The following RORA variants were observed in gnomAD, a reference collection of about 807,000 sequenced individuals.
The protein encoded by RORA is RAR related orphan receptor A.
Under a neutral mutation model 69.5 loss-of-function variants are expected in RORA, and 7 were observed. That is an observed-to-expected ratio of 0.10 (90% CI 0.06 to 0.19). The LOEUF (loss-of-function observed/expected upper bound fraction) is 0.19, where lower values mean the gene tolerates loss of function less well. Ranked by LOEUF, RORA falls within the 10% of genes least tolerant of loss-of-function variation. The pLI is 1.00. For missense variants in RORA, 457 were observed against 663.0 expected (o/e 0.69, Z 3.41); for synonymous variants, 261 against 240.8 (o/e 1.08, Z -0.78).
intron 1 of RORA, among the ~76,000 whole-genome samples, chr15:61,087,466 G>A (rs1026424883): frequency 2.0e-5 from 3 of 152,156 alleles, no homozygotes; most frequent in African/African-American, 7.2e-5. Flanking sequence ...AAACTTTTGA[G>A]AGCCTATTCT....
chr15:61,180,257 A>G (rs917025407), intron 1 of RORA, among the ~76,000 whole-genome samples: 6 of 152,158 alleles, frequency 3.9e-5, no homozygotes, highest in Non-Finnish European at 5.9e-5. Flanking sequence ...GGTAGGTAGC[A>G]GTACAAATAC....
chr15:60,684,677 T>C (rs2070712507), intron 1 of RORA, among the ~76,000 whole-genome samples: 1 of 152,164 alleles, frequency 6.6e-6, no homozygotes, highest in Non-Finnish European at 1.5e-5. Context: ...TTTAAAAATA[T>C]GTCAATATTT....
At chr15:60,971,285 C>T (rs1893705368) in intron 1 of RORA, among the ~76,000 whole-genome samples, 1 of 152,148 alleles carries the variant, frequency 6.6e-6, no homozygotes, top group Admixed American at 6.5e-5. Context: ...TTCCTCTTTG[C>T]TTTAGAGTGT....
intron 1 of RORA, among the ~76,000 whole-genome samples, chr15:60,968,552 C>G (rs888055948): frequency 3.9e-5 from 6 of 152,132 alleles, no homozygotes; most frequent in Non-Finnish European, 7.4e-5. Flanking sequence ...GGTCTCCTCT[C>G]TGGAGTTTGT....
In RORA at chr15:60,627,150, A is replaced by C. The variant is rs990544298; in HGVS notation, c.196+51507T>G. 5.1e-6 allele frequency: 6 copies of C among 1,167,424 alleles called. No individual in the cohort carries two copies. In the African/African-American group the frequency reaches 9.1e-5, roughly 18 times the overall value. 72.3% of individuals were successfully genotyped at this position (1,167,424 alleles called of 1,614,324 possible). ...CTCGTCAGATATTCTTGGAGAACTG[A>C]CTTTAAGCCAGACATTGGGTTGTGG... is the stretch of plus-strand genomic sequence containing the variant. On this transcript the variant is annotated intron_variant, in intron 2 of 10. Coordinates refer to ENST00000335670, the MANE Select transcript of RORA (RefSeq NM_134261.3).
chr15:61,028,728 C>G (rs1293808563), intron 1 of RORA, among the ~76,000 whole-genome samples: 1 of 152,132 alleles, frequency 6.6e-6, no homozygotes, highest in Non-Finnish European at 1.5e-5. Flanking sequence ...AAGGCTGGCC[C>G]AAATGTCTAT....
rs576684580 is a variant in RORA, at chr15:60,780,600, A to T, written c.167-101914T>A. Reference sequence around the variant, plus strand: ...TCTTTTTTTCATTTAAATGGACTCAAAAGAAACAATTTGCTTGATAGATGA... The same window carrying T: ...TCTTTTTTTCATTTAAATGGACTCATAAGAAACAATTTGCTTGATAGATGA... On this transcript the variant is annotated intron_variant, in intron 1 of 10. Transcript: ENST00000335670. Among the ~76,000 whole-genome samples the T allele has an allele frequency of 1.2e-4, 19 of 152,374 alleles. No homozygotes were observed. In the East Asian group the frequency reaches 3.7e-3, roughly 29 times the overall value.
intron 1 of RORA, among the ~76,000 whole-genome samples, chr15:60,829,831 T>C (rs1481509399): frequency 6.6e-6 from 1 of 152,216 alleles, no homozygotes; most frequent in East Asian, 1.9e-4. Flanking sequence ...ACACATACTT[T>C]ATTCACAACA....
At chr15:61,162,649 C>G (rs4613007) in intron 1 of RORA, among the ~76,000 whole-genome samples, 1 of 152,086 alleles carries the variant, frequency 6.6e-6, no homozygotes, top group African/African-American at 2.4e-5. Context: ...CCTCTTACTA[C>G]GGCTAAAGAA....
At chr15:60,560,824 T>A (rs544980698) in intron 2 of RORA, among the ~76,000 whole-genome samples, 6 of 152,350 alleles carry the variant, frequency 3.9e-5, no homozygotes, top group African/African-American at 1.4e-4. Flanking sequence ...CGCTAAATTT[T>A]TTTTAATTAA....
At chr15:60,570,815 T>G (rs1164925463) in intron 2 of RORA, among the ~76,000 whole-genome samples, 1 of 152,130 alleles carries the variant, frequency 6.6e-6, no homozygotes, top group Admixed American at 6.5e-5. Flanking sequence ...GGTTCCAAAA[T>G]TGGCTTTGCT....
chr15:60,956,140 A>T (rs1345437727), intron 1 of RORA, among the ~76,000 whole-genome samples: 2 of 152,228 alleles, frequency 1.3e-5, no homozygotes, highest in Non-Finnish European at 2.9e-5. Context: ...AAGTTCAGTG[A>T]TGAATAGAAT....
At chr15:61,203,483 T>C (rs568679407) in intron 1 of RORA, among the ~76,000 whole-genome samples, 96 of 151,984 alleles carry the variant, frequency 6.3e-4, no homozygotes, top group Non-Finnish European at 6.6e-4. Flanking sequence ...AACAGCAGAG[T>C]AGATAGAATG....
intron 1 of RORA, among the ~76,000 whole-genome samples, chr15:60,843,306 G>C (rs568196333): frequency 6.6e-6 from 1 of 152,216 alleles, no homozygotes; most frequent in Non-Finnish European, 1.5e-5. Context: ...GGCAGAATCA[G>C]ACACGGTAGA....
rs1234211678 is a variant in RORA at position 60,803,107 on chromosome 15, T to C, written c.167-124421A>G. 2.6e-5 allele frequency among the ~76,000 whole-genome samples: 4 copies of C among 152,244 alleles called. No individual in the cohort carries two copies. The South Asian group carries it at 8.3e-4, about 32-fold the overall frequency. ...ATTTAAATATTTCTTTCTCTATTCA[T>C]TTCCAAACCTGGGCCATAAATCACC... is the stretch of plus-strand genomic sequence containing the variant. On this transcript the variant is annotated intron_variant, in intron 1 of 10. Transcript: ENST00000335670.
At chr15:60,821,739 T>C (rs2072896129) in intron 1 of RORA, among the ~76,000 whole-genome samples, 1 of 152,222 alleles carries the variant, frequency 6.6e-6, no homozygotes, top group Non-Finnish European at 1.5e-5. Context: ...TTGCACTAGG[T>C]GCAAGATACT....
intron 1 of RORA, among the ~76,000 whole-genome samples, chr15:61,042,899 C>T (rs1297926935): frequency 6.6e-6 from 1 of 152,190 alleles, no homozygotes; most frequent in African/African-American, 2.4e-5. Flanking sequence ...CCTTCTAAAG[C>T]AATGCATCAA....
intron 1 of RORA, among the ~76,000 whole-genome samples, chr15:60,903,173 A>C (rs1891438550): frequency 6.6e-6 from 1 of 152,128 alleles, no homozygotes; most frequent in Non-Finnish European, 1.5e-5. Context: ...AATTTATATT[A>C]GTTGTTTTGG....
chr15:60,856,616 T>A (rs2073383437), intron 1 of RORA, among the ~76,000 whole-genome samples: 1 of 152,248 alleles, frequency 6.6e-6, no homozygotes, highest in African/African-American at 2.4e-5. Flanking sequence ...TATAACATTT[T>A]ACATCATGCT....
Sources: allele counts gnomAD v4.1 joint callset (sites outside exome capture counted in the v4.1 genomes callset), GRCh38; gene constraint gnomAD v4.1.1; transcripts MANE v1.5; gene names NCBI Gene and HGNC (gene_info 2026-07-23, HGNC 2026-07-21).